Variants in WDFY4 observed in about 807,000 individuals in gnomAD.
The protein encoded by WDFY4 is WD repeat- and FYVE domain-containing protein 4.
WDFY4 carries 169 observed loss-of-function variants against 351.9 expected under a neutral mutation model. The ratio of observed to expected loss-of-function variants is 0.48; its 90% CI spans 0.42 to 0.55. WDFY4 has a LOEUF of 0.55. WDFY4 is among the 20% of genes least tolerant of loss of function. The pLI, the probability that WDFY4 is intolerant of heterozygous loss-of-function variation, is 0.00. For missense variants in WDFY4, 3,803 were observed against 3,935.6 expected, an observed-to-expected ratio of 0.97 and a Z score of 0.90; for synonymous variants, 1,622 against 1,574.6, an observed-to-expected ratio of 1.03 and a Z score of -0.71.
In WDFY4 at chr10:48,787,980, T is replaced by TCTTCTTCTTCTC. The variant is rs2066540212; in HGVS notation, c.3809-545_3809-544insTCTTCTCCTTCT. Among the ~76,000 whole-genome samples, 24 of 52,982 alleles carry TCTTCTTCTTCTC rather than the reference T, an allele frequency of 4.5e-4. 1 individual carries two copies. The highest frequency in any genetic ancestry group is 6.2e-4 in the Non-Finnish European group (16 of 25,780). 34.8% of individuals were successfully genotyped at this position (52,982 alleles called of 152,430 possible). ...TTCTTCTTCTTCTTCTTCTTCTTCT[T>TCTTCTTCTTCTC]CTTCTCCTTCTCCTTCTCCTTCTCC... is the stretch of plus-strand genomic sequence containing the variant. On this transcript the variant is annotated intron_variant, in intron 20 of 61. Coordinates refer to ENST00000325239, the MANE Select transcript of WDFY4 (RefSeq NM_001394531.1).
At chr10:48,748,484 G>GT (rs1031487206) in intron 12 of WDFY4, among the ~76,000 whole-genome samples, 4 of 152,014 alleles carry the variant, frequency 2.6e-5, no homozygotes, top group African/African-American at 9.7e-5. Context: ...TGTTCTTCCT[G>GT]TTTTTTTCCT....
chr10:48,897,621 G>T, intron 45 of WDFY4, 47 bp downstream of exon 45: 3 of 1,531,512 alleles, frequency 2.0e-6, no homozygotes, highest in Non-Finnish European at 8.8e-7. Context: ...GAGAGGCAGG[G>T]CCATGGGACA....
At chr10:48,820,932 G>T in intron 33 of WDFY4, 130 bp from the exon 34 acceptor site, 2 of 667,772 alleles carry the variant, frequency 3.0e-6, no homozygotes, top group Non-Finnish European at 2.7e-6. Flanking sequence ...CCAGAGAAGG[G>T]AAAATTGTGA....
chr10:48,865,637 C>G (rs1013076011), intron 39 of WDFY4, among the ~76,000 whole-genome samples: 2 of 152,172 alleles, frequency 1.3e-5, no homozygotes, highest in Non-Finnish European at 1.5e-5. Flanking sequence ...GAAAAACTGC[C>G]GTGAATTCTT....
In WDFY4 at chr10:48,775,813, A is replaced by G; in HGVS notation, c.2863+7A>G. 1 of 1,550,638 alleles carries G rather than the reference A, an allele frequency of 6.4e-7. No individual in the cohort carries two copies. The highest frequency in any genetic ancestry group is 8.7e-7 in the Non-Finnish European group (1 of 1,145,980). On this transcript the variant is annotated splice_region_variant and intron_variant, in intron 15 of 61. Coordinates refer to ENST00000325239, the MANE Select transcript of WDFY4 (RefSeq NM_001394531.1). Reference sequence around the variant, plus strand: ...GGCAACCCTGGGTGCTCAGGTGAGGACAGTGGCAAGAACGGGGCAGGTTAA... The same window carrying G: ...GGCAACCCTGGGTGCTCAGGTGAGGGCAGTGGCAAGAACGGGGCAGGTTAA...
In WDFY4 at chr10:48,816,387, C is replaced by T. The variant is rs143653270; in HGVS notation, c.5341-858C>T. 1.7e-3 allele frequency among the ~76,000 whole-genome samples: 261 copies of T among 152,300 alleles called. 1 individual carries two copies. The highest frequency in any genetic ancestry group is 5.7e-3 in the African/African-American group (238 of 41,556). On this transcript the variant is annotated intron_variant, in intron 31 of 61. Coordinates refer to ENST00000325239, the MANE Select transcript of WDFY4 (RefSeq NM_001394531.1). ...TTGTTATGTTCTGGAATTTCTGTGA[C>T]TGTAGTGTTAAAGCTCTCTTTGATT...
intron 15 of WDFY4, among the ~76,000 whole-genome samples, chr10:48,776,515 AAT>A (rs2066035485): frequency 6.6e-6 from 1 of 152,194 alleles, no homozygotes; most frequent in African/African-American, 2.4e-5. Context: ...TCTGTGCTGG[AAT>A]GAAAGAAAAG....
chr10:48,780,351 G>T (rs1157075479), intron 19 of WDFY4, among the ~76,000 whole-genome samples: 1 of 152,202 alleles, frequency 6.6e-6, no homozygotes, highest in Non-Finnish European at 1.5e-5. Flanking sequence ...AGGGCAGAAG[G>T]CAAGACATGC....
intron 23 of WDFY4, among the ~76,000 whole-genome samples, chr10:48,792,840 A>G (rs1370253305): frequency 6.6e-6 from 1 of 152,154 alleles, no homozygotes; most frequent in African/African-American, 2.4e-5. Context: ...AGACTACCTC[A>G]GGCTCACTGT....
At chr10:48,877,408 T>C (rs186233566) in intron 43 of WDFY4, among the ~76,000 whole-genome samples, 55 of 152,300 alleles carry the variant, frequency 3.6e-4, no homozygotes, top group African/African-American at 1.3e-3. Context: ...CTATACATCC[T>C]GCATCAAAAT....
intron 59 of WDFY4, 53 bp downstream of exon 59, chr10:48,977,032 C>T (rs1343747939): frequency 9.2e-6 from 12 of 1,304,062 alleles, no homozygotes; most frequent in Non-Finnish European, 1.2e-5. Flanking sequence ...GTGTTCATCT[C>T]CATTCTTCTC....
At chr10:48,880,533 G>T (rs1200317377) in intron 43 of WDFY4, among the ~76,000 whole-genome samples, 1 of 152,252 alleles carries the variant, frequency 6.6e-6, no homozygotes, top group Non-Finnish European at 1.5e-5. Context: ...TGCCAGTGGG[G>T]ATCCGCAGGA....
intron 48 of WDFY4, among the ~76,000 whole-genome samples, chr10:48,942,396 G>A (rs945938710): frequency 4.6e-5 from 7 of 150,870 alleles, no homozygotes; most frequent in African/African-American, 1.5e-4. Context: ...GTGTGTGTGC[G>A]CGCACGCGCA....
intron 1 of WDFY4, among the ~76,000 whole-genome samples, chr10:48,697,299 A>G (rs1320676990): frequency 6.6e-6 from 1 of 152,182 alleles, no homozygotes; most frequent in East Asian, 1.9e-4. Flanking sequence ...GTGATGTTCT[A>G]TGAGCCACCC....
chr10:48,743,632 A>G, intron 12 of WDFY4, 84 bp downstream of exon 12: 1 of 1,411,054 alleles, frequency 7.1e-7, no homozygotes, highest in Non-Finnish European at 9.4e-7. Flanking sequence ...ACTCAGTAGG[A>G]AGGCTCAGCT....
chr10:48,811,260 G>A (rs2067435411), intron 29 of WDFY4, among the ~76,000 whole-genome samples: 1 of 152,198 alleles, frequency 6.6e-6, no homozygotes, highest in Non-Finnish European at 1.5e-5. Flanking sequence ...ATATTTGGTT[G>A]AAACCCTACA....
At chr10:48,913,402 C>T in intron 47 of WDFY4, 1 of 1,611,632 alleles carries the variant, frequency 6.2e-7, no homozygotes, top group Non-Finnish European at 8.5e-7. Flanking sequence ...CTCCAGTCTT[C>T]CCAGGAGTCC....
chr10:48,823,225 C>T, intron 35 of WDFY4: 1 of 1,303,664 alleles, frequency 7.7e-7, no homozygotes. Flanking sequence ...TGACAAGCCT[C>T]CAGGAAACCT....
chr10:48,859,315 A>G (rs1477289572), intron 39 of WDFY4, among the ~76,000 whole-genome samples: 1 of 152,096 alleles, frequency 6.6e-6, no homozygotes, highest in African/African-American at 2.4e-5. Context: ...AAGCGAAAGT[A>G]TTCATTATTT....
Sources: gnomAD v4.1 joint callset for allele counts (sites outside exome capture counted in the v4.1 genomes callset) on GRCh38, gnomAD v4.1.1 for gene constraint, MANE v1.5 for transcripts, NCBI Gene and HGNC (gene_info 2026-07-23, HGNC 2026-07-21) for gene names.